GLIS1: variants seen among roughly 807,000 people sequenced by gnomAD.
The protein encoded by GLIS1 is zinc finger protein GLIS1.
In GLIS1, 24 loss-of-function variants were observed where a neutral mutation model predicts 63.8. The observed-to-expected ratio is 0.38, with a 90% CI of 0.27 to 0.53. The LOEUF (loss-of-function observed/expected upper bound fraction) is 0.53, where lower values mean the gene tolerates loss of function less well. Ranked by LOEUF, GLIS1 falls within the 20% of genes least tolerant of loss-of-function variation. The probability of loss-of-function intolerance (pLI) is 0.85; values close to 1 mark genes in which losing one functional copy is unlikely to be tolerated. For missense variants in GLIS1, 1,036 were observed against 1,074.1 expected (o/e 0.96, Z 0.50); for synonymous variants, 450 against 482.5 (o/e 0.93, Z 0.88).
intron 2 of GLIS1, among the ~76,000 whole-genome samples, chr1:53,710,298 T>C (rs1879733): frequency 0.26 from 39,007 of 152,190 alleles, 5,294 homozygotes; most frequent in African/African-American, 0.35. Flanking sequence ...ACCTAAGAGG[T>C]GGGCACGGCC....
In GLIS1 at chr1:53,698,187, C is replaced by T. The variant is rs529084792; in HGVS notation, c.259+39619G>A. On this transcript the variant is annotated intron_variant, in intron 2 of 10. Coordinates refer to ENST00000628545, the MANE Select transcript of GLIS1 (RefSeq NM_001367484.1). ...GGAACACGCCCTCCCAGCTTCAGTG[C>T]GAGATGTCAGAGCTGGGGAAGGACC... is the stretch of plus-strand genomic sequence containing the variant. Among the ~76,000 whole-genome samples, 19 of 151,858 alleles carry T rather than the reference C, an allele frequency of 1.3e-4. No homozygotes were observed. In the South Asian group the frequency reaches 3.3e-3, roughly 27 times the overall value.
At chr1:53,545,632 G>C (rs1644690255) in intron 4 of GLIS1, among the ~76,000 whole-genome samples, 5 of 152,184 alleles carry the variant, frequency 3.3e-5, no homozygotes, top group Admixed American at 3.3e-4. Context: ...GAGTGGTGTA[G>C]TTAGGGATAA....
chr1:53,689,678 A>C (rs1443090669), intron 2 of GLIS1, among the ~76,000 whole-genome samples: 1 of 152,100 alleles, frequency 6.6e-6, no homozygotes, highest in African/African-American at 2.4e-5. Context: ...GTGTGATGCT[A>C]GGCAAACCGA....
intron 2 of GLIS1, among the ~76,000 whole-genome samples, chr1:53,607,958 C>CTTTTT (rs377462740): frequency 7.8e-6 from 1 of 128,646 alleles, no homozygotes; most frequent in Admixed American, 8.1e-5. Flanking sequence ...TGATGTCTCT[C>CTTTTT]TTTTTTTTTT....
In GLIS1 at chr1:53,526,637, A is replaced by G. The variant is rs1022362689; in HGVS notation, c.1483-1750T>C. Among the ~76,000 whole-genome samples, 2 of 152,242 alleles carry G rather than the reference A, an allele frequency of 1.3e-5. No individual in the cohort carries two copies. Among genetic ancestry groups the G allele is most frequent in the African/African-American group, 4.8e-5 (2 of 41,462 alleles). ...CGTGCGTTCACATGTGCCCAGGCACACACACGGCCCTGCCCTGTCCCTGAG... is the reference window on the plus strand; with the variant it reads ...CGTGCGTTCACATGTGCCCAGGCACGCACACGGCCCTGCCCTGTCCCTGAG... On this transcript the variant is annotated intron_variant, in intron 5 of 10. Transcript: ENST00000628545. This position sits in a 1 kb window ranked among gnomAD's most constrained non-coding sequence, Gnocchi z 4.4.
chr1:53,709,054 T>C lies in GLIS1; in HGVS notation c.259+28752A>G, dbSNP rs1225980875. Among the ~76,000 whole-genome samples the C allele has an allele frequency of 2.0e-5, 3 of 152,120 alleles. No homozygotes were observed. The East Asian group carries it at 5.8e-4, about 29-fold the overall frequency. ...TCCATGAAGTCAAAGATTATCTATC[T>C]TGTTCACCACAGTATTTGACTTTGG... On this transcript the variant is annotated intron_variant, in intron 2 of 10. Transcript: ENST00000628545.
intron 2 of GLIS1, among the ~76,000 whole-genome samples, chr1:53,721,645 C>G (rs1049101160): frequency 6.6e-6 from 1 of 152,118 alleles, no homozygotes; most frequent in Non-Finnish European, 1.5e-5. Flanking sequence ...CTGTCTAAAG[C>G]CTTATTTTAT....
chr1:53,506,918 A>T lies in GLIS1; in HGVS notation c.2231-142T>A, dbSNP rs1251336812. 5 of 864,384 alleles carry T rather than the reference A, an allele frequency of 5.8e-6. No homozygotes were observed. In the East Asian group the frequency reaches 1.4e-4, roughly 23 times the overall value. The allele number at this position is 864,384 out of a possible 1,614,324, so 53.5% of individuals were successfully genotyped here. ...CGGTGGGGCCTGCTTGGAGCCCCCA[A>T]CTTTTCCAAATGGGGGAGCTGGCCG... On this transcript the variant is annotated intron_variant, in intron 10 of 10. Coordinates refer to ENST00000628545, the MANE Select transcript of GLIS1 (RefSeq NM_001367484.1).
rs1644514250 is a variant in GLIS1, at chr1:53,530,098, A to G, written c.1321-146T>C. The G allele has an allele frequency of 7.0e-6, 5 of 712,778 alleles. No homozygotes were observed. The Admixed American group carries it at 8.7e-5, about 12-fold the overall frequency. The allele number at this position is 712,778 out of a possible 1,614,324, so 44.2% of individuals were successfully genotyped here. A position where few individuals can be genotyped will look rare whatever the true frequency, so the allele number is the denominator to read the frequency against. On this transcript the variant is annotated intron_variant, in intron 4 of 10. Coordinates refer to ENST00000628545, the MANE Select transcript of GLIS1 (RefSeq NM_001367484.1). The stretch of plus-strand genomic sequence containing the variant: ...TCTGAGAGCTCTGGATCAGCTCCCC[A>G]TGAAGTGCTCAGGGCCCAGGCCTTA...
chr1:53,696,904 C>G (rs960957969), intron 2 of GLIS1, among the ~76,000 whole-genome samples: 1 of 152,260 alleles, frequency 6.6e-6, no homozygotes, highest in South Asian at 2.1e-4. Flanking sequence ...TGGCTGACAG[C>G]CTCTCGAGAT....
intron 4 of GLIS1, among the ~76,000 whole-genome samples, chr1:53,593,025 C>G (rs903837739): frequency 2.0e-5 from 3 of 152,268 alleles, no homozygotes; most frequent in African/African-American, 7.2e-5. Flanking sequence ...AATGGGGACA[C>G]TATGCCCCTT....
At chr1:53,534,180 C>T (rs751171333) in intron 4 of GLIS1, among the ~76,000 whole-genome samples, 2 of 151,992 alleles carry the variant, frequency 1.3e-5, no homozygotes, top group Non-Finnish European at 2.9e-5. Flanking sequence ...ACAGATGCTG[C>T]AGAATGGATG....
chr1:53,531,680 G>A (rs556853643), intron 4 of GLIS1, among the ~76,000 whole-genome samples: 58 of 152,300 alleles, frequency 3.8e-4, no homozygotes, highest in African/African-American at 1.3e-3. Context: ...ACCATAAAGC[G>A]ACGTGGTTGA....
chr1:53,574,483 C>G lies in GLIS1; in HGVS notation c.1320+19625G>C, dbSNP rs895054591. Among the ~76,000 whole-genome samples, 5 of 152,242 alleles carry G rather than the reference C, an allele frequency of 3.3e-5. No homozygotes were observed. Among genetic ancestry groups the G allele is most frequent in the African/African-American group, 1.2e-4 (5 of 41,464 alleles). On this transcript the variant is annotated intron_variant, in intron 4 of 10. Transcript: ENST00000628545. This position sits in a 1 kb window ranked among gnomAD's most constrained non-coding sequence, Gnocchi z 4.2. Reference sequence around the variant, plus strand: ...GGAGATTACCTGTATACTAATCCCCCTCTCAGGCTCTGCTCTGGGACACCC... The same window carrying G: ...GGAGATTACCTGTATACTAATCCCCGTCTCAGGCTCTGCTCTGGGACACCC...
chr1:53,737,750 C>T, intron 2 of GLIS1, 56 bp downstream of exon 2: 1 of 1,229,252 alleles, frequency 8.1e-7, no homozygotes, highest in Non-Finnish European at 1.0e-6. Flanking sequence ...GTGGCGACGC[C>T]GGGCAGCCCG....
intron 2 of GLIS1, among the ~76,000 whole-genome samples, chr1:53,662,226 C>T (rs565331293): frequency 3.9e-5 from 6 of 152,268 alleles, no homozygotes; most frequent in South Asian, 2.1e-4. Context: ...GTTGATGTGC[C>T]GTGTGAGGAG....
intron 2 of GLIS1, among the ~76,000 whole-genome samples, chr1:53,725,914 A>C (rs1034676586): frequency 6.6e-6 from 1 of 152,158 alleles, no homozygotes; most frequent in Non-Finnish European, 1.5e-5. Context: ...CCCCACCTTG[A>C]CTGGAGAGGG....
At chr1:53,729,740 T>C (rs1047671398) in intron 2 of GLIS1, among the ~76,000 whole-genome samples, 4 of 152,212 alleles carry the variant, frequency 2.6e-5, no homozygotes, top group Non-Finnish European at 4.4e-5. Flanking sequence ...GATCACTAAA[T>C]GCTTTGCTTT....
chr1:53,546,513 G>A (rs373874124), intron 4 of GLIS1, among the ~76,000 whole-genome samples: 1 of 152,190 alleles, frequency 6.6e-6, no homozygotes. Flanking sequence ...CAGCCTCTCT[G>A]GTCCTGGAGG....
Sources: allele counts gnomAD v4.1 joint callset (sites outside exome capture counted in the v4.1 genomes callset), GRCh38; gene constraint gnomAD v4.1.1; non-coding constraint Gnocchi (gnomAD v3.1); transcripts MANE v1.5; gene names NCBI Gene and HGNC (gene_info 2026-07-23, HGNC 2026-07-21).